Variants in INPP4B observed in about 807,000 individuals in gnomAD.
The protein encoded by INPP4B is inositol polyphosphate 4-phosphatase type II.
INPP4B carries 55 observed loss-of-function variants against 122.5 expected under a neutral mutation model. The observed-to-expected ratio is 0.45, with a 90% CI of 0.36 to 0.56. INPP4B has a LOEUF of 0.56. Ranked by LOEUF, INPP4B falls within the 20% of genes least tolerant of loss-of-function variation. The pLI is 0.00. For missense variants in INPP4B, 1,000 were observed against 1,097.7 expected (o/e 0.91, Z 1.26); for synonymous variants, 403 against 388.7 (o/e 1.04, Z -0.43).
At chr4:142,791,458 A>C (rs1196107767) in intron 1 of INPP4B, among the ~76,000 whole-genome samples, 1 of 152,104 alleles carries the variant, frequency 6.6e-6, no homozygotes, top group East Asian at 1.9e-4. Flanking sequence ...AATTCTATGA[A>C]AGGTGTGTGT....
At position 142,055,258 on chromosome 4, in the gene INPP4B, TTAA is replaced by T. The variant is rs1757003205; in HGVS notation, c.2643-26347_2643-26345del. Among the ~76,000 whole-genome samples, 9 of 152,240 alleles carry T rather than the reference TTAA, an allele frequency of 5.9e-5. 1 individual carries two copies. The South Asian group carries it at 1.2e-3, about 21-fold the overall frequency. The stretch of plus-strand genomic sequence containing the variant: ...TAAACCACTATTAATGGTTTATTAA[TTAA>T]TAATGATAATCACTGATTTCTAACA... On this transcript the variant is annotated intron_variant, in intron 25 of 25. Transcript: ENST00000262992.
At chr4:142,602,581 G>A (rs879363865) in intron 2 of INPP4B, among the ~76,000 whole-genome samples, 1 of 152,030 alleles carries the variant, frequency 6.6e-6, no homozygotes, top group Non-Finnish European at 1.5e-5. Context: ...TTCAAAAGAA[G>A]ACATAGATGC....
chr4:142,205,362 T>TAAA (rs1842212394), intron 14 of INPP4B, among the ~76,000 whole-genome samples: 1 of 152,150 alleles, frequency 6.6e-6, no homozygotes, highest in African/African-American at 2.4e-5. Context: ...ATTATCCTTT[T>TAAA]CCCTCCTTGC....
chr4:142,805,080 G>T (rs1341216608), intron 1 of INPP4B, among the ~76,000 whole-genome samples: 4 of 152,106 alleles, frequency 2.6e-5, no homozygotes, highest in Non-Finnish European at 4.4e-5. Context: ...CAACCGAATG[G>T]TTATATTAAT....
At chr4:142,842,372 A>T (rs1783596259) in intron 1 of INPP4B, among the ~76,000 whole-genome samples, 1 of 151,118 alleles carries the variant, frequency 6.6e-6, no homozygotes, top group Admixed American at 6.6e-5. Context: ...ATGTTTGGTG[A>T]AATTACACAG....
intron 2 of INPP4B, among the ~76,000 whole-genome samples, chr4:142,663,151 T>C (rs1017101595): frequency 2.0e-5 from 3 of 152,194 alleles, no homozygotes; most frequent in African/African-American, 4.8e-5. Flanking sequence ...TGAAGTACAA[T>C]GGGTGTTTTT....
chr4:142,497,626 C>T (rs1440610676), intron 2 of INPP4B, among the ~76,000 whole-genome samples: 5 of 152,144 alleles, frequency 3.3e-5, no homozygotes, highest in African/African-American at 4.8e-5. Flanking sequence ...AACAGCAGTA[C>T]ACTTAAACAT....
intron 1 of INPP4B, among the ~76,000 whole-genome samples, chr4:142,824,621 C>T (rs746139276): frequency 4.6e-5 from 7 of 152,100 alleles, no homozygotes; most frequent in Admixed American, 1.3e-4. Flanking sequence ...TGCACAGTAT[C>T]AGAAAAATGA....
At chr4:142,313,456 G>C (rs10034842) in intron 8 of INPP4B, among the ~76,000 whole-genome samples, 21,831 of 152,202 alleles carry the variant, frequency 0.14, 2,112 homozygotes, top group African/African-American at 0.27. Flanking sequence ...TTAGGATGGA[G>C]GGTCCAGTTG....
intron 2 of INPP4B, among the ~76,000 whole-genome samples, chr4:142,464,630 T>C (rs1386868235): frequency 6.6e-6 from 1 of 152,022 alleles, no homozygotes; most frequent in Non-Finnish European, 1.5e-5. Flanking sequence ...AAAAAATGTT[T>C]CATAGTAAGA....
chr4:142,388,497 A>G (rs539585239), intron 7 of INPP4B, among the ~76,000 whole-genome samples: 1 of 152,216 alleles, frequency 6.6e-6, no homozygotes, highest in East Asian at 1.9e-4. Context: ...GTCTCCTTAG[A>G]AAAAACAGAG....
chr4:142,651,781 T>C (rs755785513), intron 2 of INPP4B, among the ~76,000 whole-genome samples: 2 of 152,178 alleles, frequency 1.3e-5, no homozygotes, highest in Non-Finnish European at 2.9e-5. Flanking sequence ...ACAGCTGAAA[T>C]CTATGAGATG....
chr4:142,809,691 A>G (rs1490397930), intron 1 of INPP4B, among the ~76,000 whole-genome samples: 1 of 152,170 alleles, frequency 6.6e-6, no homozygotes, highest in African/African-American at 2.4e-5. Flanking sequence ...ATCAGAGCTT[A>G]TTTAACAGTG....
intron 1 of INPP4B, among the ~76,000 whole-genome samples, chr4:142,832,056 T>G (rs539916706): frequency 6.6e-6 from 1 of 152,188 alleles, no homozygotes; most frequent in African/African-American, 2.4e-5. Context: ...CAATCCAGCA[T>G]GTACAGTGGT....
chr4:142,084,805 C>G (rs183699635), intron 24 of INPP4B, among the ~76,000 whole-genome samples: 1,679 of 152,100 alleles, frequency 0.011, 27 homozygotes, highest in African/African-American at 0.038. Context: ...CATGTGTATC[C>G]TTAATTTATC....
intron 2 of INPP4B, among the ~76,000 whole-genome samples, chr4:142,690,687 C>T (rs1760049352): frequency 6.6e-6 from 1 of 152,180 alleles, no homozygotes; most frequent in Admixed American, 6.5e-5. Flanking sequence ...GCCTCCCACT[C>T]CTGCAAGAGA....
chr4:142,773,687 A>AT (rs1773432558), intron 1 of INPP4B, among the ~76,000 whole-genome samples: 2 of 152,140 alleles, frequency 1.3e-5, no homozygotes, highest in Admixed American at 1.3e-4. Context: ...AGGTTCTGTA[A>AT]TTTTTTAAAG....
Position 142,445,032 on chromosome 4 carries a change from G to A in INPP4B, c.-126-13647C>T, listed in dbSNP as rs143846299. 4.3e-3 allele frequency among the ~76,000 whole-genome samples: 647 copies of A among 152,184 alleles called. 5 individuals carry two copies. Among genetic ancestry groups the A allele is most frequent in the African/African-American group, 0.015 (615 of 41,512 alleles). ...CCTGTCAGGGTGTGGAGGCCAAGGG[G>A]AGGGAGAGCATTAGGACAAATAGCT... On this transcript the variant is annotated intron_variant, in intron 3 of 25. Transcript: ENST00000262992.
At chr4:142,034,187 T>C (rs1279587359) in intron 25 of INPP4B, among the ~76,000 whole-genome samples, 1 of 152,162 alleles carries the variant, frequency 6.6e-6, no homozygotes, top group African/African-American at 2.4e-5. Context: ...AACCTTCTTA[T>C]CATTTATCTT....
Sources: allele counts gnomAD v4.1 joint callset (sites outside exome capture counted in the v4.1 genomes callset), GRCh38; gene constraint gnomAD v4.1.1; transcripts MANE v1.5; gene names NCBI Gene and HGNC (gene_info 2026-07-23, HGNC 2026-07-21).